The following PVT1 variants were observed in gnomAD, a reference collection of about 807,000 sequenced individuals.
PVT1 encodes CXCR4/PVT1 fusion.
chr8:128,076,542 A>G (rs577825647), intron 5 of PVT1, among the ~76,000 whole-genome samples: 6 of 152,268 alleles, frequency 3.9e-5, no homozygotes, highest in East Asian at 3.9e-4. Flanking sequence ...AGGCAGTATG[A>G]TGATGGGAAA....
chr8:127,897,645 GA>G (rs764335401), intron 3 of PVT1, among the ~76,000 whole-genome samples: 1 of 146,484 alleles, frequency 6.8e-6, no homozygotes, highest in East Asian at 2.0e-4. Context: ...GACAAAGAAA[GA>G]AAGACAGGAA....
chr8:127,992,256 C>A (rs1276721590), intron 4 of PVT1, among the ~76,000 whole-genome samples: 5 of 152,110 alleles, frequency 3.3e-5, no homozygotes, highest in Non-Finnish European at 7.3e-5. Flanking sequence ...CATGGTGGCA[C>A]ACGCCTGTAA....
chr8:127,799,028 A>G (rs567711114), intron 2 of PVT1, among the ~76,000 whole-genome samples: 2 of 152,224 alleles, frequency 1.3e-5, no homozygotes, highest in Admixed American at 6.5e-5. Context: ...CAAGACATAT[A>G]CATGATGTGG....
chr8:127,882,640 C>T (rs566571358), intron 2 of PVT1, among the ~76,000 whole-genome samples: 221 of 152,268 alleles, frequency 1.5e-3, no homozygotes, highest in Non-Finnish European at 2.3e-3. Flanking sequence ...CCCGCCACCA[C>T]GCCCAGCTAA....
intron 2 of PVT1, among the ~76,000 whole-genome samples, chr8:127,885,660 C>CG (rs1413304167): frequency 6.6e-6 from 1 of 152,020 alleles, no homozygotes; most frequent in East Asian, 1.9e-4. Context: ...ATTTAGGGGT[C>CG]GGGGGTGTAG....
At chr8:127,962,529 C>G (rs1049869685) in intron 3 of PVT1, among the ~76,000 whole-genome samples, 3 of 152,152 alleles carry the variant, frequency 2.0e-5, no homozygotes, top group Non-Finnish European at 2.9e-5. Context: ...GGGTTACCAT[C>G]CCTCTTAAGG....
chr8:128,031,657 G>A (rs1486923100), intron 4 of PVT1, among the ~76,000 whole-genome samples: 1 of 152,154 alleles, frequency 6.6e-6, no homozygotes, highest in African/African-American at 2.4e-5. Context: ...TAGTAATAAC[G>A]GTAGCAGCTA....
At chr8:127,805,821 G>C (rs1384620499) in intron 2 of PVT1, among the ~76,000 whole-genome samples, 1 of 152,132 alleles carries the variant, frequency 6.6e-6, no homozygotes, top group African/African-American at 2.4e-5. Flanking sequence ...ATGAAGGGAT[G>C]GTTATTGTGA....
At chr8:127,831,607 T>A (rs1479509866) in intron 2 of PVT1, among the ~76,000 whole-genome samples, 4 of 151,850 alleles carry the variant, frequency 2.6e-5, no homozygotes, top group Non-Finnish European at 5.9e-5. Context: ...TGGCCACTAG[T>A]GGTAGGGGTA....
chr8:127,852,081 C>T (rs185675833), intron 2 of PVT1: 8 of 152,368 alleles, frequency 5.3e-5, no homozygotes, highest in Non-Finnish European at 1.2e-4. Context: ...TACCCAGGCT[C>T]AGCAGCAGTT....
At chr8:127,949,624 G>A (rs966808013) in intron 3 of PVT1, among the ~76,000 whole-genome samples, 4 of 151,922 alleles carry the variant, frequency 2.6e-5, no homozygotes, top group Non-Finnish European at 4.4e-5. Context: ...GACCTGCCGT[G>A]CTATACTAAC....
chr8:128,021,355 G>A (rs934673488), intron 4 of PVT1, among the ~76,000 whole-genome samples: 4 of 145,192 alleles, frequency 2.8e-5, no homozygotes, highest in Non-Finnish European at 6.0e-5. Context: ...GCACGGTGGC[G>A]CAATCTTGGC....
intron 3 of PVT1, among the ~76,000 whole-genome samples, chr8:127,904,520 G>A (rs576711934): frequency 6.6e-6 from 1 of 152,300 alleles, no homozygotes; most frequent in African/African-American, 2.4e-5. Context: ...TGAGGTGTGT[G>A]TCTATCTCTG....
At chr8:128,046,874 G>C (rs1321123925) in intron 4 of PVT1, among the ~76,000 whole-genome samples, 1 of 152,168 alleles carries the variant, frequency 6.6e-6, no homozygotes, top group Non-Finnish European at 1.5e-5. Context: ...TAATCACGTA[G>C]ATTACAGCCC....
In PVT1 at chr8:127,825,085, C is replaced by T. The variant is rs573993298; in HGVS notation, n.372+29014C>T. Among the ~76,000 whole-genome samples, 63 of 129,858 alleles carry T rather than the reference C, an allele frequency of 4.9e-4. 1 individual carries two copies. The South Asian group carries it at 0.015, about 31-fold the overall frequency. The allele number at this position is 129,858 out of a possible 152,430, so 85.2% of individuals were successfully genotyped here. ...CAGTGAGTCGAGATCATGCACTGCA[C>T]TTCAGCCTGGGTAACAGAGCCAAAC... On this transcript the variant is annotated intron_variant and non_coding_transcript_variant, in intron 2 of 10. Transcript: ENST00000651587.
chr8:127,981,328 T>C (rs1180838419), intron 3 of PVT1, among the ~76,000 whole-genome samples: 1 of 152,184 alleles, frequency 6.6e-6, no homozygotes, highest in Non-Finnish European at 1.5e-5. Context: ...GTGCAGGGCA[T>C]GTGACCATGT....
chr8:128,056,811 G>A (rs1001290242), intron 4 of PVT1, among the ~76,000 whole-genome samples: 4 of 152,210 alleles, frequency 2.6e-5, no homozygotes, highest in African/African-American at 4.8e-5. Context: ...TGATAGAAAC[G>A]TCATAGGCGC....
intron 3 of PVT1, among the ~76,000 whole-genome samples, chr8:127,902,634 T>A (rs1815772680): frequency 6.6e-6 from 1 of 152,148 alleles, no homozygotes. Context: ...CCCATCTTTA[T>A]GCCCATGTGT....
At chr8:128,049,177 G>A (rs978439162) in intron 4 of PVT1, 1 of 531,632 alleles carries the variant, frequency 1.9e-6, no homozygotes, top group Admixed American at 1.9e-5. Context: ...AGGCTGGGAG[G>A]GGCTGGCTGG....
Sources: gnomAD v4.1 joint callset for allele counts (sites outside exome capture counted in the v4.1 genomes callset) on GRCh38, gnomAD v4.1.1 for gene constraint, MANE v1.5 for transcripts, NCBI Gene and HGNC (gene_info 2026-07-23, HGNC 2026-07-21) for gene names.